Variants in TAFA5 observed in about 807,000 individuals in gnomAD.
TAFA5 encodes chemokine-like protein TAFA-5.
Under a neutral mutation model 15.3 loss-of-function variants are expected in TAFA5, and 6 were observed. The observed-to-expected ratio is 0.39, with a 90% confidence interval of 0.21 to 0.77. The LOEUF (loss-of-function observed/expected upper bound fraction) is 0.77. TAFA5 is among the 30% of genes least tolerant of loss of function. TAFA5 has a pLI of 0.41. For missense variants in TAFA5, 161 were observed against 193.1 expected (o/e 0.83, Z 0.98); for synonymous variants, 103 against 80.7 (o/e 1.28, Z -1.48).
chr22:48,709,405 T>G (rs1264190823), intron 3 of TAFA5, among the ~76,000 whole-genome samples: 3 of 151,898 alleles, frequency 2.0e-5, no homozygotes, highest in Non-Finnish European at 4.4e-5. Flanking sequence ...CTGTCCCTGC[T>G]GGTTGGGGTT....
intron 1 of TAFA5, among the ~76,000 whole-genome samples, chr22:48,542,126 G>GTA (rs1213319929): frequency 6.8e-6 from 1 of 146,620 alleles, no homozygotes; most frequent in African/African-American, 2.5e-5. Context: ...TGTGTGGTGT[G>GTA]TGTGATGTGT....
At chr22:48,583,081 A>G (rs1360931401) in intron 1 of TAFA5, among the ~76,000 whole-genome samples, 1 of 143,216 alleles carries the variant, frequency 7.0e-6, no homozygotes, top group South Asian at 2.3e-4. Context: ...AAAATACACC[A>G]CACACCCCAC....
chr22:48,747,435 G>T (rs1930359921), intron 3 of TAFA5, among the ~76,000 whole-genome samples: 1 of 152,216 alleles, frequency 6.6e-6, no homozygotes, highest in Non-Finnish European at 1.5e-5. Flanking sequence ...ACATGGCTGG[G>T]ATTCGGTATG....
intron 2 of TAFA5, among the ~76,000 whole-genome samples, chr22:48,706,151 C>G (rs577863596): frequency 2.6e-5 from 4 of 152,300 alleles, no homozygotes; most frequent in Admixed American, 2.6e-4. Context: ...GCAGGGCTGG[C>G]AACTGAGGCA....
chr22:48,553,951 G>A (rs1922943880), intron 1 of TAFA5, among the ~76,000 whole-genome samples: 1 of 152,186 alleles, frequency 6.6e-6, no homozygotes, highest in African/African-American at 2.4e-5. Flanking sequence ...TGCTTGTCCA[G>A]GCCACTGAAT....
intron 1 of TAFA5, among the ~76,000 whole-genome samples, chr22:48,548,393 G>T (rs1429265176): frequency 1.3e-5 from 2 of 152,214 alleles, no homozygotes; most frequent in African/African-American, 4.8e-5. Flanking sequence ...GCATGAGCTT[G>T]TGTTTCCAAC....
At chr22:48,670,582 G>A (rs543741937) in intron 2 of TAFA5, among the ~76,000 whole-genome samples, 38 of 152,372 alleles carry the variant, frequency 2.5e-4, no homozygotes, top group African/African-American at 9.1e-4. Context: ...ATCGGTGGAG[G>A]TGGGGGAAGC....
chr22:48,538,997 G>C (rs547689318), intron 1 of TAFA5: 1 of 190,442 alleles, frequency 5.3e-6, no homozygotes, highest in South Asian at 1.2e-4. Context: ...GTATTTGTCG[G>C]GGGGATACAT....
At chr22:48,576,512 C>T in intron 1 of TAFA5, 1 of 1,508,906 alleles carries the variant, frequency 6.6e-7, no homozygotes, top group Non-Finnish European at 8.9e-7. Flanking sequence ...TGGGCACTGG[C>T]AGGGGCCGCG....
intron 1 of TAFA5, among the ~76,000 whole-genome samples, chr22:48,515,817 C>G (rs1282793090): frequency 1.3e-5 from 2 of 152,132 alleles, no homozygotes; most frequent in Non-Finnish European, 2.9e-5. Flanking sequence ...AGAACAGGAA[C>G]TGGCATTGGC....
intron 1 of TAFA5, among the ~76,000 whole-genome samples, chr22:48,509,974 AAAAG>A (rs1921153802): frequency 1.2e-5 from 1 of 84,770 alleles, no homozygotes; most frequent in African/African-American, 2.9e-5. Flanking sequence ...AAGAAAAAGA[AAAAG>A]AAAAAAGAAA....
chr22:48,585,585 T>C (rs572856538), intron 1 of TAFA5, among the ~76,000 whole-genome samples: 1 of 144,012 alleles, frequency 6.9e-6, no homozygotes, highest in East Asian at 2.1e-4. Context: ...AGACACACAA[T>C]ACACCACACA....
Position 48,517,782 on chromosome 22 carries a change from C to T in TAFA5, c.112+28078C>T, listed in dbSNP as rs529003426. 5.3e-5 allele frequency among the ~76,000 whole-genome samples: 8 copies of T among 152,258 alleles called. No homozygotes were observed. In the South Asian group the frequency reaches 8.3e-4, roughly 16 times the overall value. On this transcript the variant is annotated intron_variant, in intron 1 of 3. Coordinates refer to ENST00000402357, the MANE Select transcript of TAFA5 (RefSeq NM_001082967.3). Reference sequence around the variant, plus strand: ...GCCTGCTTCCCGGGGCCACCTCTGCCGTGCCGTCTCCTCCCTCTCCCCTGC... The same window carrying T: ...GCCTGCTTCCCGGGGCCACCTCTGCTGTGCCGTCTCCTCCCTCTCCCCTGC...
At chr22:48,594,387 A>C (rs1924685261) in intron 1 of TAFA5, among the ~76,000 whole-genome samples, 1 of 152,214 alleles carries the variant, frequency 6.6e-6, no homozygotes. Flanking sequence ...CACCCGGTGC[A>C]CATAGGTTGA....
At chr22:48,494,554 G>A (rs1928261618) in intron 1 of TAFA5, among the ~76,000 whole-genome samples, 1 of 152,306 alleles carries the variant, frequency 6.6e-6, no homozygotes, top group East Asian at 1.9e-4. Flanking sequence ...AGATGCAGGG[G>A]GCCCATAGCG....
chr22:48,738,415 C>T (rs132261), intron 3 of TAFA5, among the ~76,000 whole-genome samples: 49,950 of 152,046 alleles, frequency 0.33, 9,094 homozygotes, highest in Non-Finnish European at 0.42. Context: ...GCACTCCTCC[C>T]GGGCAGCCAC....
chr22:48,537,662 C>A (rs1922216248), intron 1 of TAFA5, among the ~76,000 whole-genome samples: 1 of 152,220 alleles, frequency 6.6e-6, no homozygotes, highest in Non-Finnish European at 1.5e-5. Context: ...GGGGGAAGCC[C>A]AGCCCAGCAG....
chr22:48,556,746 G>A (rs1409785280), intron 1 of TAFA5, among the ~76,000 whole-genome samples: 1 of 152,180 alleles, frequency 6.6e-6, no homozygotes, highest in African/African-American at 2.4e-5. Context: ...GTCCCCTCGA[G>A]GCTGTTCTCA....
rs527260339 is a variant in TAFA5 at position 48,646,817 on chromosome 22, C to T, written c.262+71C>T. On this transcript the variant is annotated intron_variant, in intron 2 of 3. Transcript: ENST00000402357. ...GTCACCAAAGGTGCCTCTTCCCTGA[C>T]GCGGCCCCTTACCTGAAGGTCCCCC... is the stretch of plus-strand genomic sequence containing the variant. The T allele has an allele frequency of 4.5e-4, 675 of 1,492,846 alleles. 2 individuals carry two copies. The highest frequency in any genetic ancestry group is 5.1e-4 in the Non-Finnish European group (575 of 1,120,590). 92.5% of individuals were successfully genotyped at this position (1,492,846 alleles called of 1,614,324 possible).
Sources: gnomAD v4.1 joint callset for allele counts (sites outside exome capture counted in the v4.1 genomes callset) on GRCh38, gnomAD v4.1.1 for gene constraint, MANE v1.5 for transcripts, NCBI Gene and HGNC (gene_info 2026-07-23, HGNC 2026-07-21) for gene names.